Variants in EPB41L4A observed in about 807,000 individuals in gnomAD.
EPB41L4A encodes the protein band 4.1-like protein 4A.
Under a neutral mutation model 108.6 loss-of-function variants are expected in EPB41L4A, and 100 were observed. The observed-to-expected ratio is 0.92, with a 90% CI of 0.78 to 1.09. The LOEUF is 1.09. Among genes scored for constraint, EPB41L4A ranks in the 50% least tolerant of loss-of-function variants. EPB41L4A has a pLI of 0.00. For synonymous variants in EPB41L4A, 319 were observed against 289.0 expected (o/e 1.10, Z -1.05); for missense variants, 1,030 against 842.7 (o/e 1.22, Z -2.75).
intron 1 of EPB41L4A, among the ~76,000 whole-genome samples, chr5:112,376,901 G>T (rs911313109): frequency 2.0e-5 from 3 of 152,134 alleles, no homozygotes; most frequent in Non-Finnish European, 4.4e-5. Flanking sequence ...AAGAGAGTAC[G>T]TCTATAAAAG....
chr5:112,377,476 C>A (rs992749795), intron 1 of EPB41L4A, among the ~76,000 whole-genome samples: 3 of 152,134 alleles, frequency 2.0e-5, no homozygotes, highest in Non-Finnish European at 2.9e-5. Flanking sequence ...CTGCAGCAAA[C>A]AGCAAGTACT....
At chr5:112,386,205 G>C (rs1760515751) in intron 1 of EPB41L4A, among the ~76,000 whole-genome samples, 1 of 152,118 alleles carries the variant, frequency 6.6e-6, no homozygotes, top group African/African-American at 2.4e-5. Flanking sequence ...CTGAATCCTG[G>C]AAATGTACAG....
intron 1 of EPB41L4A, among the ~76,000 whole-genome samples, chr5:112,362,362 C>T (rs1423237341): frequency 1.3e-5 from 2 of 150,224 alleles, no homozygotes; most frequent in Non-Finnish European, 2.9e-5. Flanking sequence ...CTCACTGCAA[C>T]CTCCAACTCC....
chr5:112,368,926 C>G (rs553988656), intron 1 of EPB41L4A, among the ~76,000 whole-genome samples: 1 of 152,146 alleles, frequency 6.6e-6, no homozygotes, highest in African/African-American at 2.4e-5. Flanking sequence ...CGTCCACTCC[C>G]ACAACCCTCC....
At position 112,342,715 on chromosome 5, in the gene EPB41L4A, A is replaced by G. The variant is rs534416826; in HGVS notation, c.100-35225T>C. ...GATCAGACCCAAAGGGGTGGACTTC[A>G]TAAGAGAGCACCACTGAGACTCTCG... is the stretch of plus-strand genomic sequence containing the variant. On this transcript the variant is annotated intron_variant, in intron 1 of 22. Transcript: ENST00000261486. 1.1e-3 allele frequency among the ~76,000 whole-genome samples: 174 copies of G among 152,340 alleles called. 1 individual carries two copies. Among genetic ancestry groups the G allele is most frequent in the African/African-American group, 3.9e-3 (162 of 41,582 alleles).
intron 4 of EPB41L4A, among the ~76,000 whole-genome samples, chr5:112,270,467 T>C (rs1219473206): frequency 6.6e-6 from 1 of 152,196 alleles, no homozygotes; most frequent in South Asian, 2.1e-4. Flanking sequence ...AACATGATAT[T>C]AAATAATGCA....
At position 112,266,188 on chromosome 5, in the gene EPB41L4A, T is replaced by C. The variant is rs763032611; in HGVS notation, c.433+45A>G. On this transcript the variant is annotated intron_variant, in intron 5 of 22. Transcript: ENST00000261486. ...AACTCCCTTTTAAAAATGCAAATAC[T>C]TTCTCCAGACATTTCTGAGGCAAAT... 41 of 1,379,908 alleles carry C rather than the reference T, an allele frequency of 3.0e-5. 1 individual carries two copies. In the South Asian group the frequency reaches 5.1e-4, roughly 17 times the overall value. The allele number at this position is 1,379,908 out of a possible 1,614,324, so 85.5% of individuals were successfully genotyped here.
chr5:112,403,843 G>A (rs1322171536), intron 1 of EPB41L4A, among the ~76,000 whole-genome samples: 1 of 152,096 alleles, frequency 6.6e-6, no homozygotes, highest in Admixed American at 6.5e-5. Flanking sequence ...TTATGCTTGG[G>A]CAGGCAAACT....
chr5:112,175,177 A>G (rs1022106741), intron 18 of EPB41L4A: 3 of 152,242 alleles, frequency 2.0e-5, no homozygotes, highest in African/African-American at 7.2e-5. Flanking sequence ...TATTATCACC[A>G]CCAGAGGGAG....
chr5:112,404,120 G>A (rs1761945769), intron 1 of EPB41L4A, among the ~76,000 whole-genome samples: 1 of 152,152 alleles, frequency 6.6e-6, no homozygotes, highest in Non-Finnish European at 1.5e-5. Flanking sequence ...TATGTCTAAG[G>A]ACATTCTGTC....
At chr5:112,203,165 G>C (rs1253346777) in intron 15 of EPB41L4A, among the ~76,000 whole-genome samples, 1 of 152,108 alleles carries the variant, frequency 6.6e-6, no homozygotes, top group Non-Finnish European at 1.5e-5. Context: ...AGGAGTTCGA[G>C]ACCAACGTGG....
chr5:112,269,017 T>C (rs1580572982), intron 4 of EPB41L4A, among the ~76,000 whole-genome samples: 1 of 148,376 alleles, frequency 6.7e-6, no homozygotes, highest in Non-Finnish European at 1.5e-5. Context: ...GACAAACACA[T>C]ACAAAGAAAC....
intron 1 of EPB41L4A, among the ~76,000 whole-genome samples, chr5:112,324,809 G>T (rs918342458): frequency 1.3e-5 from 2 of 150,758 alleles, no homozygotes; most frequent in Admixed American, 6.6e-5. Context: ...AGAGAAATTT[G>T]ACCATGCAGC....
chr5:112,326,442 C>G (rs1438965955), intron 1 of EPB41L4A, among the ~76,000 whole-genome samples: 1 of 151,986 alleles, frequency 6.6e-6, no homozygotes, highest in African/African-American at 2.4e-5. Context: ...GAATTATGGG[C>G]TAAGCAGTAA....
intron 1 of EPB41L4A, among the ~76,000 whole-genome samples, chr5:112,388,394 C>T (rs908331274): frequency 2.0e-5 from 3 of 152,166 alleles, no homozygotes; most frequent in African/African-American, 7.2e-5. Context: ...GGCTCTCAGG[C>T]TCCTCTATGT....
intron 2 of EPB41L4A, among the ~76,000 whole-genome samples, chr5:112,306,377 T>C (rs941538451): frequency 5.3e-5 from 8 of 152,076 alleles, no homozygotes; most frequent in Admixed American, 1.3e-4. Flanking sequence ...TGCAAAGCTA[T>C]CCAACATACC....
intron 9 of EPB41L4A, among the ~76,000 whole-genome samples, chr5:112,247,279 G>T (rs1485817237): frequency 2.0e-5 from 3 of 152,128 alleles, no homozygotes; most frequent in Non-Finnish European, 4.4e-5. Flanking sequence ...TAAGGGCACT[G>T]AATTATTCCA....
At chr5:112,398,693 G>A (rs1761540415) in intron 1 of EPB41L4A, among the ~76,000 whole-genome samples, 1 of 152,066 alleles carries the variant, frequency 6.6e-6, no homozygotes, top group South Asian at 2.1e-4. Flanking sequence ...GCCCAGCCTA[G>A]AAGGTGGGTT....
intron 1 of EPB41L4A, among the ~76,000 whole-genome samples, chr5:112,327,268 A>T (rs1756234923): frequency 6.6e-6 from 1 of 152,214 alleles, no homozygotes; most frequent in Non-Finnish European, 1.5e-5. Flanking sequence ...GACATTATAT[A>T]CTCAAACAAG....
Sources: gnomAD v4.1 joint callset for allele counts (sites outside exome capture counted in the v4.1 genomes callset) on GRCh38, gnomAD v4.1.1 for gene constraint, MANE v1.5 for transcripts, NCBI Gene and HGNC (gene_info 2026-07-23, HGNC 2026-07-21) for gene names.